Variants in CCDC30 observed in about 807,000 individuals in gnomAD.
CCDC30 encodes coiled-coil domain containing 30.
Under a neutral mutation model 100.2 loss-of-function variants are expected in CCDC30, and 70 were observed. The ratio of observed to expected loss-of-function variants is 0.70; its 90% CI spans 0.58 to 0.85. The LOEUF is 0.85. Among genes scored for constraint, CCDC30 ranks in the 40% least tolerant of loss-of-function variants. The pLI, the probability that CCDC30 is intolerant of heterozygous loss-of-function variation, is 0.00. For synonymous variants in CCDC30, 233 were observed against 269.5 expected (o/e 0.86, Z 1.33); for missense variants, 652 against 771.2 (o/e 0.85, Z 1.83).
In CCDC30 at chr1:42,552,157, G is replaced by A. The variant is rs369974105; in HGVS notation, c.457-14139G>A. The stretch of plus-strand genomic sequence containing the variant: ...AAATATTAAATCCCTGTATTCCCAG[G>A]TATTGCTAGTTCTCCTTAATTTACT... On this transcript the variant is annotated intron_variant, in intron 6 of 16. Coordinates refer to ENST00000668663, the Ensembl canonical transcript of CCDC30. Among the ~76,000 whole-genome samples the A allele has an allele frequency of 9.9e-5, 15 of 152,192 alleles. No individual in the cohort carries two copies. The East Asian group carries it at 2.5e-3, about 26-fold the overall frequency.
At chr1:42,504,740 C>T (rs972495781) in intron 6 of CCDC30, among the ~76,000 whole-genome samples, 1 of 152,214 alleles carries the variant, frequency 6.6e-6, no homozygotes, top group Admixed American at 6.5e-5. Flanking sequence ...GTGACTTCCA[C>T]AGACCGTTTA....
At chr1:42,600,480 A>G (rs59222142) in intron 10 of CCDC30, among the ~76,000 whole-genome samples, 6,465 of 152,254 alleles carry the variant, frequency 0.042, 441 homozygotes, top group African/African-American at 0.14. Flanking sequence ...ACTTCACCCA[A>G]CAACAGCAGA....
chr1:42,626,973 A>T (rs1188762516), intron 11 of CCDC30, among the ~76,000 whole-genome samples: 1 of 152,196 alleles, frequency 6.6e-6, no homozygotes, highest in Non-Finnish European at 1.5e-5. Context: ...AATACCCAAA[A>T]ATTTGGAAGC....
intron 6 of CCDC30, among the ~76,000 whole-genome samples, chr1:42,540,238 G>C (rs1345437830): frequency 6.6e-6 from 1 of 152,128 alleles, no homozygotes; most frequent in Non-Finnish European, 1.5e-5. Context: ...TGAGGGATTG[G>C]GACATAGATC....
intron 1 of CCDC30, chr1:42,464,314 TGAAA>T: frequency 6.6e-6 from 1 of 152,348 alleles, no homozygotes; most frequent in East Asian, 1.9e-4. Flanking sequence ...GCTTACATAA[TGAAA>T]GAAGGTTGTT....
At chr1:42,540,839 C>T (rs72659965) in intron 6 of CCDC30, among the ~76,000 whole-genome samples, 20,724 of 152,138 alleles carry the variant, frequency 0.14, 1,555 homozygotes, top group East Asian at 0.19. Flanking sequence ...GACACAATAC[C>T]ATTATCTAAT....
chr1:42,465,501 A>G (rs1273957473), intron 1 of CCDC30, among the ~76,000 whole-genome samples: 1 of 152,026 alleles, frequency 6.6e-6, no homozygotes, highest in East Asian at 1.9e-4. Flanking sequence ...AGTAGCTGGG[A>G]TTATAGGCAT....
the CCDC30 span, chr1:42,457,089 G>C: frequency 6.3e-7 from 1 of 1,583,554 alleles, no homozygotes; most frequent in Non-Finnish European, 8.6e-7. Context: ...TGCCCTAGGA[G>C]TACCCCTTTT....
chr1:42,510,029 GA>G lies in CCDC30; in HGVS notation c.456+11118del, dbSNP rs148495450. The G allele has an allele frequency of 1.8e-3, 1,791 of 980,146 alleles. 26 individuals carry two copies. In the African/African-American group the frequency reaches 0.028, roughly 15 times the overall value. 60.7% of individuals were successfully genotyped at this position (980,146 alleles called of 1,614,324 possible). The stretch of plus-strand genomic sequence containing the variant: ...CATTATAAACCATGAAAAAAGGAAG[GA>G]AAAATACCATAGAAAAGTCTCGGGG... On this transcript the variant is annotated intron_variant, in intron 6 of 16. Transcript: ENST00000668663.
At chr1:42,536,769 G>T in intron 6 of CCDC30, 168 bp downstream of exon 7, 1 of 550,998 alleles carries the variant, frequency 1.8e-6, no homozygotes. Context: ...TCACAGTTAT[G>T]GAGGAGGGGA....
chr1:42,537,525 G>A lies in CCDC30; in HGVS notation c.457-28771G>A, dbSNP rs903034984. The A allele has an allele frequency of 2.4e-5, 8 of 338,092 alleles. No homozygotes were observed. In the Admixed American group the frequency reaches 2.9e-4, roughly 12 times the overall value. 20.9% of individuals were successfully genotyped at this position (338,092 alleles called of 1,614,324 possible). On this transcript the variant is annotated intron_variant, in intron 6 of 16. Transcript: ENST00000668663. Reference sequence around the variant, plus strand: ...ATTTACCTCCCACTTTGACTTCAAGGCTTTGGGAAAATACCAAGTAGCTCC... The same window carrying A: ...ATTTACCTCCCACTTTGACTTCAAGACTTTGGGAAAATACCAAGTAGCTCC...
intron 5 of CCDC30, 66 bp downstream of exon 5, chr1:42,497,279 A>C: frequency 1.1e-6 from 1 of 931,374 alleles, no homozygotes; most frequent in Non-Finnish European, 1.4e-6. Context: ...CAGCATAAGC[A>C]ACACAGGTAT....
Position 42,539,842 on chromosome 1 carries a change from G to A in CCDC30, c.457-26454G>A, listed in dbSNP as rs1644978220. Among the ~76,000 whole-genome samples the A allele has an allele frequency of 2.6e-5, 4 of 151,840 alleles. No individual in the cohort carries two copies. In the South Asian group the frequency reaches 8.3e-4, roughly 32 times the overall value. On this transcript the variant is annotated intron_variant, in intron 6 of 16. Transcript: ENST00000668663. ...TTTAAAAATGTGCCCAGGAGTTAGA[G>A]GCTGTAGTGTGCTGTGATTGTGCCT... is the stretch of plus-strand genomic sequence containing the variant.
At chr1:42,614,326 C>T (rs1054604641) in intron 11 of CCDC30, among the ~76,000 whole-genome samples, 2 of 151,770 alleles carry the variant, frequency 1.3e-5, no homozygotes, top group Non-Finnish European at 2.9e-5. Flanking sequence ...GTGATCCACC[C>T]GCCTCGGCCT....
upstream of CCDC30, chr1:42,459,569 GTT>G: frequency 1.3e-6 from 2 of 1,571,502 alleles, no homozygotes; most frequent in Non-Finnish European, 1.7e-6. Context: ...AATGACCATT[GTT>G]TGCTTATTAA....
At chr1:42,556,503 T>A in intron 6 of CCDC30, 98 bp downstream of exon 10, 3 of 1,304,680 alleles carry the variant, frequency 2.3e-6, no homozygotes, top group Admixed American at 2.7e-5. Flanking sequence ...ATATATGTTT[T>A]TTTTTATTTT....
intron 11 of CCDC30, among the ~76,000 whole-genome samples, chr1:42,623,682 G>T (rs1344097837): frequency 6.6e-6 from 1 of 152,058 alleles, no homozygotes; most frequent in Non-Finnish European, 1.5e-5. Flanking sequence ...CTCCAGTTTT[G>T]TTCTTTATGC....
chr1:42,533,568 G>A (rs1644842318), intron 6 of CCDC30, among the ~76,000 whole-genome samples: 1 of 152,126 alleles, frequency 6.6e-6, no homozygotes, highest in Admixed American at 6.6e-5. Flanking sequence ...ACAACTCTTG[G>A]GGCAACTTAC....
chr1:42,505,820 C>G (rs541929981), intron 6 of CCDC30, among the ~76,000 whole-genome samples: 25 of 152,292 alleles, frequency 1.6e-4, no homozygotes, highest in African/African-American at 4.1e-4. Context: ...CAGGAATCTG[C>G]CTGGGGGACT....
Sources: gnomAD v4.1 joint callset for allele counts (sites outside exome capture counted in the v4.1 genomes callset) on GRCh38, gnomAD v4.1.1 for gene constraint, MANE v1.5 for transcripts, NCBI Gene and HGNC (gene_info 2026-07-23, HGNC 2026-07-21) for gene names.